PCDH9: variants seen among roughly 807,000 people sequenced by gnomAD.
PCDH9 encodes the protein protocadherin 9.
A neutral mutation model predicts 70.6 loss-of-function variants in PCDH9; 24 were observed. That is an observed-to-expected ratio of 0.34 (90% CI 0.25 to 0.48). The LOEUF (loss-of-function observed/expected upper bound fraction) is 0.48, where lower values mean the gene tolerates loss of function less well. Ranked by LOEUF, PCDH9 falls within the 20% of genes least tolerant of loss-of-function variation. The probability of loss-of-function intolerance (pLI) is 0.99; values close to 1 mark genes in which losing one functional copy is unlikely to be tolerated. For missense variants in PCDH9, 1,281 were observed against 1,503.6 expected, an observed-to-expected ratio of 0.85 and a Z score of 2.45; for synonymous variants, 562 against 558.5, an observed-to-expected ratio of 1.01 and a Z score of -0.09.
chr13:66,305,138 T>A, intron 4 of PCDH9, 110 bp from the exon 5 acceptor site: 1 of 999,502 alleles, frequency 1.0e-6, no homozygotes, highest in East Asian at 2.6e-5. Flanking sequence ...TTCATAAAAG[T>A]GTATCAAGTC....
At chr13:66,799,406 A>G (rs573119709) in intron 3 of PCDH9, among the ~76,000 whole-genome samples, 53 of 152,226 alleles carry the variant, frequency 3.5e-4, no homozygotes, top group African/African-American at 1.3e-3. Context: ...ACTTAACAAA[A>G]TCTTTCTGCA....
chr13:67,092,032 A>G (rs542455099), intron 2 of PCDH9, among the ~76,000 whole-genome samples: 1 of 152,286 alleles, frequency 6.6e-6, no homozygotes, highest in Admixed American at 6.5e-5. Flanking sequence ...AACAATATTT[A>G]AGACCTTGGA....
chr13:66,391,883 C>CATAT (rs140840857), intron 4 of PCDH9, among the ~76,000 whole-genome samples: 60,348 of 142,872 alleles, frequency 0.42, 12,580 homozygotes, highest in Admixed American at 0.47. Flanking sequence ...GCCATATATG[C>CATAT]ATATATATAT....
At chr13:66,677,005 GT>G (rs1431399971) in intron 3 of PCDH9, among the ~76,000 whole-genome samples, 5 of 152,118 alleles carry the variant, frequency 3.3e-5, no homozygotes, top group South Asian at 2.1e-4. Context: ...CGGATTAAAA[GT>G]TTTTTTAGAT....
chr13:66,492,182 AGTT>A (rs934755318), intron 4 of PCDH9, among the ~76,000 whole-genome samples: 3 of 152,086 alleles, frequency 2.0e-5, no homozygotes, highest in Non-Finnish European at 2.9e-5. Flanking sequence ...TTATATTTAT[AGTT>A]GTTGTGATTT....
intron 2 of PCDH9, among the ~76,000 whole-genome samples, chr13:67,163,510 G>T (rs1171255895): frequency 6.6e-6 from 1 of 152,106 alleles, no homozygotes; most frequent in African/African-American, 2.4e-5. Context: ...GTATAATAAG[G>T]TCACATAAAA....
chr13:67,027,499 C>T (rs1427330861), intron 2 of PCDH9, among the ~76,000 whole-genome samples: 11 of 152,016 alleles, frequency 7.2e-5, no homozygotes, highest in South Asian at 4.2e-4. Flanking sequence ...ATTCAGGACA[C>T]AGGCATGGGC....
chr13:67,159,494 A>G (rs1316057248), intron 2 of PCDH9, among the ~76,000 whole-genome samples: 6 of 152,194 alleles, frequency 3.9e-5, no homozygotes, highest in African/African-American at 1.4e-4. Flanking sequence ...ACAAAAAGAA[A>G]AGCGTAGAGT....
chr13:67,060,220 C>T (rs1452138243), intron 2 of PCDH9, among the ~76,000 whole-genome samples: 2 of 152,030 alleles, frequency 1.3e-5, no homozygotes, highest in South Asian at 2.1e-4. Context: ...CAAAAGAGAT[C>T]GTCCATGGTG....
chr13:66,429,430 G>GTTTTTT (rs5804281), intron 4 of PCDH9, among the ~76,000 whole-genome samples: 2,216 of 144,950 alleles, frequency 0.015, 47 homozygotes, highest in African/African-American at 0.051. Flanking sequence ...TATTTTTTCT[G>GTTTTTT]TTTTTTTTTT....
chr13:66,469,332 CT>C (rs1227861323), intron 4 of PCDH9, among the ~76,000 whole-genome samples: 2 of 151,458 alleles, frequency 1.3e-5, no homozygotes, highest in African/African-American at 2.4e-5. Context: ...CTTCAAGATA[CT>C]TTAAAAATGT....
intron 4 of PCDH9, among the ~76,000 whole-genome samples, chr13:66,604,125 C>G (rs2077194355): frequency 6.6e-6 from 1 of 151,934 alleles, no homozygotes; most frequent in East Asian, 1.9e-4. Flanking sequence ...GGCCCCATTC[C>G]TCCGCACTTG....
intron 2 of PCDH9, among the ~76,000 whole-genome samples, chr13:67,088,135 T>TGG (rs2086146283): frequency 6.6e-6 from 1 of 151,622 alleles, no homozygotes; most frequent in Admixed American, 6.6e-5. Flanking sequence ...ATTTACTGCC[T>TGG]AAAGAATAAG....
At chr13:67,161,597 C>T (rs2087961769) in intron 2 of PCDH9, among the ~76,000 whole-genome samples, 1 of 152,168 alleles carries the variant, frequency 6.6e-6, no homozygotes, top group African/African-American at 2.4e-5. Context: ...TTCTGCAGGT[C>T]ATACATAGAC....
chr13:66,354,366 T>A (rs1389005611), intron 4 of PCDH9, among the ~76,000 whole-genome samples: 1 of 125,784 alleles, frequency 8.0e-6, no homozygotes. Flanking sequence ...TCATCTCTTG[T>A]TTTTCAGATG....
intron 4 of PCDH9, among the ~76,000 whole-genome samples, chr13:66,349,387 A>C (rs537460983): frequency 2.0e-5 from 3 of 152,330 alleles, no homozygotes; most frequent in East Asian, 3.9e-4. Flanking sequence ...AGGATATTTG[A>C]GACCCAAAGC....
chr13:66,904,003 A>C lies in PCDH9; in HGVS notation c.3037-398T>G, dbSNP rs182519850. ...TGGATATTATTAACTACCTCCACTT[A>C]AGGAAGAGGAGACTGAAGCATAATT... On this transcript the variant is annotated intron_variant, in intron 2 of 4. Transcript: ENST00000377865. Among the ~76,000 whole-genome samples the C allele has an allele frequency of 2.4e-4, 37 of 152,022 alleles. 1 individual carries two copies. In the East Asian group the frequency reaches 7.0e-3, roughly 29 times the overall value.
intron 3 of PCDH9, among the ~76,000 whole-genome samples, chr13:66,890,379 A>G (rs1290382831): frequency 6.6e-6 from 1 of 151,264 alleles, no homozygotes; most frequent in Non-Finnish European, 1.5e-5. Flanking sequence ...CCTGACTAAG[A>G]CACTCTTAAC....
At chr13:66,702,607 A>C (rs544898243) in intron 3 of PCDH9, among the ~76,000 whole-genome samples, 1 of 152,196 alleles carries the variant, frequency 6.6e-6, no homozygotes, top group Non-Finnish European at 1.5e-5. Context: ...CCAGTATACA[A>C]AGGTAACTAT....
Sources: gnomAD v4.1 joint callset for allele counts (sites outside exome capture counted in the v4.1 genomes callset) on GRCh38, gnomAD v4.1.1 for gene constraint, MANE v1.5 for transcripts, NCBI Gene and HGNC (gene_info 2026-07-23, HGNC 2026-07-21) for gene names.